GXYLT1: variants seen among roughly 807,000 people sequenced by gnomAD.
The protein encoded by GXYLT1 is glycosyltransferase 8 domain containing 3.
In GXYLT1, 29 loss-of-function variants were observed where a neutral mutation model predicts 54.0. The observed-to-expected ratio is 0.54, with a 90% CI of 0.40 to 0.73. The LOEUF (loss-of-function observed/expected upper bound fraction) is 0.73. Among genes scored for constraint, GXYLT1 ranks in the 30% least tolerant of loss-of-function variants. The pLI, the probability that GXYLT1 is intolerant of heterozygous loss-of-function variation, is 0.00. For synonymous variants in GXYLT1, 176 were observed against 204.1 expected (o/e 0.86, Z 1.17); for missense variants, 490 against 553.4 (o/e 0.89, Z 1.15).
intron 3 of GXYLT1, among the ~76,000 whole-genome samples, chr12:42,112,636 C>A (rs566507802): frequency 8.3e-4 from 127 of 152,152 alleles, no homozygotes; most frequent in Middle Eastern, 6.8e-3. Flanking sequence ...AAATATGGGA[C>A]CATGTGAAAA....
intron 7 of GXYLT1, among the ~76,000 whole-genome samples, chr12:42,089,516 T>A (rs145460653): frequency 0.011 from 1,731 of 152,272 alleles, 128 homozygotes; most frequent in Admixed American, 0.1. Flanking sequence ...AAGAGTTGTA[T>A]ATGTATTAAC....
chr12:42,101,201 A>G (rs538164989), intron 5 of GXYLT1, among the ~76,000 whole-genome samples: 3 of 152,140 alleles, frequency 2.0e-5, no homozygotes, highest in Non-Finnish European at 4.4e-5. Flanking sequence ...TACATATAAA[A>G]GGAGTTCAAG....
At chr12:42,109,488 T>C (rs1392529452) in intron 4 of GXYLT1, 78 bp downstream of exon 4, 1 of 995,404 alleles carries the variant, frequency 1.0e-6, no homozygotes, top group Non-Finnish European at 1.3e-6. Context: ...TATGTAACTC[T>C]TCAGAGACTC....
rs376420472 is a variant in GXYLT1, at chr12:42,106,034, G to C, written c.648C>G (p.Val216=). 1 of 1,609,558 alleles carries C rather than the reference G, an allele frequency of 6.2e-7. No homozygotes were observed. Among genetic ancestry groups the C allele is most frequent in the South Asian group, 1.1e-5 (1 of 90,954 alleles). Residue 216 remains valine, a synonymous_variant, in exon 5 of 8, where the codon GTC becomes GTG. Coordinates refer to ENST00000398675, the MANE Select transcript of GXYLT1 (RefSeq NM_173601.2). ...ILKEVDSLLY[V]DTDILFLRPV... ...GTCGTAAAAAAAGGATATCAGTGTC[G>C]ACATACAATAGTGAGTCAACTTCTT...
Position 42,082,193 on chromosome 12 carries a change from G to C in GXYLT1, c.*5593C>G, listed in dbSNP as rs900107333. On this transcript the variant is annotated 3_prime_UTR_variant, in exon 8 of 8. Coordinates refer to ENST00000398675, the MANE Select transcript of GXYLT1 (RefSeq NM_173601.2). ...TTTATGCAAAATGATTGAGAAAATT[G>C]AAATACCTGCAACCTTTTCCAGTTT... 1.3e-5 allele frequency: 2 copies of C among 152,146 alleles called. No individual in the cohort carries two copies. Among genetic ancestry groups the C allele is most frequent in the Non-Finnish European group, 2.9e-5 (2 of 68,004 alleles). 9.4% of individuals were successfully genotyped at this position (152,146 alleles called of 1,614,324 possible). A position where few individuals can be genotyped will look rare whatever the true frequency, so the allele number is the denominator to read the frequency against.
At chr12:42,114,152 C>A (rs977822086) in intron 3 of GXYLT1, among the ~76,000 whole-genome samples, 10 of 152,226 alleles carry the variant, frequency 6.6e-5, no homozygotes, top group African/African-American at 2.4e-4. Context: ...AAATTTACAC[C>A]ACTAAATGCC....
intron 2 of GXYLT1, 68 bp downstream of exon 2, chr12:42,129,691 C>T: frequency 1.1e-6 from 1 of 900,762 alleles, no homozygotes; most frequent in East Asian, 2.4e-5. Context: ...CATCCTATTA[C>T]AAAGGTTTTA....
At position 42,110,684 on chromosome 12, in the gene GXYLT1, G is replaced by C. The variant is rs1185132668; in HGVS notation, c.487-993C>G. ...CCCACCTCAGGCCTCCCAAGTAGCTGGGACTACAGGTGCATGCCACCACAA... is the reference window on the plus strand; with the variant it reads ...CCCACCTCAGGCCTCCCAAGTAGCTCGGACTACAGGTGCATGCCACCACAA... On this transcript the variant is annotated intron_variant, in intron 3 of 7. Transcript: ENST00000398675. 2.0e-5 allele frequency among the ~76,000 whole-genome samples: 3 copies of C among 152,144 alleles called. No homozygotes were observed. The East Asian group carries it at 5.8e-4, about 29-fold the overall frequency.
rs146656584 is a variant in GXYLT1, at chr12:42,094,275, C to A, written c.1161+3167G>T. ...AGGCTGTGGGAGGATCAACTGAATC[C>A]AGAAGGTCAACGCTGCAGTAAGCTG... On this transcript the variant is annotated intron_variant, in intron 7 of 7. Transcript: ENST00000398675. Among the ~76,000 whole-genome samples the A allele has an allele frequency of 2.8e-3, 428 of 150,246 alleles. 2 individuals are homozygous for A. The highest frequency in any genetic ancestry group is 9.3e-3 in the African/African-American group (381 of 40,836).
At chr12:42,144,353 A>G in intron 1 of GXYLT1, 73 bp downstream of exon 1, 1 of 984,578 alleles carries the variant, frequency 1.0e-6, no homozygotes, top group South Asian at 2.1e-5. Flanking sequence ...ACCGGCGAGC[A>G]GCCCGGGCTA....
At chr12:42,091,294 T>A (rs7311070) in intron 7 of GXYLT1, among the ~76,000 whole-genome samples, 68,704 of 149,984 alleles carry the variant, frequency 0.46, 15,785 homozygotes, top group South Asian at 0.63. Context: ...AAGATTTTTT[T>A]AAAAAAAAAT....
At chr12:42,098,494 T>C (rs1434399217) in intron 5 of GXYLT1, among the ~76,000 whole-genome samples, 2 of 152,014 alleles carry the variant, frequency 1.3e-5, no homozygotes, top group African/African-American at 2.4e-5. Context: ...GCAGTTCAAA[T>C]AGATCATTTT....
At chr12:42,129,920 T>C in intron 1 of GXYLT1, 69 bp from the exon 2 acceptor site, 2 of 891,746 alleles carry the variant, frequency 2.2e-6, no homozygotes, top group South Asian at 2.9e-5. Flanking sequence ...AGGAATTTAC[T>C]CAGTAACACG....
intron 1 of GXYLT1, among the ~76,000 whole-genome samples, chr12:42,139,887 A>G (rs2065641601): frequency 1.3e-5 from 2 of 152,104 alleles, no homozygotes; most frequent in South Asian, 4.1e-4. Flanking sequence ...CTGCAGAAAA[A>G]AGGGGGGAAA....
At chr12:42,090,989 TCA>T (rs766287411) in intron 7 of GXYLT1, among the ~76,000 whole-genome samples, 56 of 152,240 alleles carry the variant, frequency 3.7e-4, no homozygotes, top group Admixed American at 3.3e-4. Context: ...AGCCATGAAT[TCA>T]CACTTTAAAG....
At chr12:42,089,679 C>T (rs1565564279) in intron 7 of GXYLT1, among the ~76,000 whole-genome samples, 2 of 152,136 alleles carry the variant, frequency 1.3e-5, no homozygotes, top group Non-Finnish European at 2.9e-5. Context: ...TAATTAACCA[C>T]CAGACAGCAC....
At chr12:42,143,944 G>A (rs939167050) in intron 1 of GXYLT1, among the ~76,000 whole-genome samples, 14 of 152,100 alleles carry the variant, frequency 9.2e-5, no homozygotes, top group Admixed American at 9.2e-4. Flanking sequence ...ATACTTAGAA[G>A]TGTAAGCGTT....
At chr12:42,094,536 G>T (rs1298556892) in intron 7 of GXYLT1, among the ~76,000 whole-genome samples, 1 of 151,024 alleles carries the variant, frequency 6.6e-6, no homozygotes, top group Admixed American at 6.6e-5. Flanking sequence ...GCACGTGCCT[G>T]TAGTACCAGC....
chr12:42,090,048 GT>G (rs1199003438), intron 7 of GXYLT1, among the ~76,000 whole-genome samples: 3 of 151,776 alleles, frequency 2.0e-5, no homozygotes, highest in Admixed American at 2.0e-4. Flanking sequence ...TCGAGATTAA[GT>G]TTCTTTGTTT....
Sources: allele counts gnomAD v4.1 joint callset (sites outside exome capture counted in the v4.1 genomes callset), GRCh38; gene constraint gnomAD v4.1.1; transcripts MANE v1.5; gene names NCBI Gene and HGNC (gene_info 2026-07-23, HGNC 2026-07-21).